PDK1: variants seen among roughly 807,000 people sequenced by gnomAD.
The protein encoded by PDK1 is [Pyruvate dehydrogenase (acetyl-transferring)] kinase isozyme 1, mitochondrial.
Under a neutral mutation model 54.2 loss-of-function variants are expected in PDK1, and 39 were observed. That is an observed-to-expected ratio of 0.72 (90% CI 0.56 to 0.94). The LOEUF is 0.94. PDK1 is among the 40% of genes least tolerant of loss of function. The pLI is 0.00. For missense variants in PDK1, 552 were observed against 566.0 expected, an observed-to-expected ratio of 0.98 and a Z score of 0.25; for synonymous variants, 221 against 207.1, an observed-to-expected ratio of 1.07 and a Z score of -0.58.
chr2:172,677,734 A>C, the PDK1 span, among the ~76,000 whole-genome samples: 1 of 152,274 alleles, frequency 6.6e-6, no homozygotes, highest in East Asian at 1.9e-4. Context: ...CTTCAGAGAA[A>C]ACAAAAGTTT....
chr2:172,615,721 T>C, the PDK1 span, among the ~76,000 whole-genome samples: 3 of 152,208 alleles, frequency 2.0e-5, no homozygotes, highest in South Asian at 6.2e-4. Context: ...CCGTGAACAC[T>C]TTTTGAAACA....
the PDK1 span, among the ~76,000 whole-genome samples, chr2:172,637,568 C>CT: frequency 9.9e-5 from 15 of 152,146 alleles, no homozygotes; most frequent in Non-Finnish European, 1.6e-4. Flanking sequence ...TTTTAATCCA[C>CT]TTTTCTGTAG....
the PDK1 span, among the ~76,000 whole-genome samples, chr2:172,698,104 A>G: frequency 6.6e-6 from 1 of 152,222 alleles, no homozygotes; most frequent in Non-Finnish European, 1.5e-5. Context: ...AAAAGTCATC[A>G]GCATCAGCCT....
the PDK1 span, among the ~76,000 whole-genome samples, chr2:172,638,615 T>C: frequency 1.3e-5 from 2 of 152,312 alleles, no homozygotes; most frequent in South Asian, 4.1e-4. Flanking sequence ...TGGCTGGGCT[T>C]CTGGGTCGGG....
chr2:172,677,327 A>G, the PDK1 span: 3 of 152,228 alleles, frequency 2.0e-5, no homozygotes. Flanking sequence ...GCAATGTGCC[A>G]TGCTTCTTTC....
chr2:172,645,951 T>C, the PDK1 span, among the ~76,000 whole-genome samples: 1 of 152,242 alleles, frequency 6.6e-6, no homozygotes. Context: ...GTTGATTGAG[T>C]CAGGCTACTG....
At chr2:172,709,480 A>G in the PDK1 span, among the ~76,000 whole-genome samples, 1 of 152,246 alleles carries the variant, frequency 6.6e-6, no homozygotes, top group Non-Finnish European at 1.5e-5. Flanking sequence ...CTCATCCCAA[A>G]TAAGTTTGCT....
the PDK1 span, among the ~76,000 whole-genome samples, chr2:172,642,430 C>T: frequency 6.6e-6 from 1 of 152,110 alleles, no homozygotes; most frequent in South Asian, 2.1e-4. Context: ...AACCCTAAGG[C>T]AGAGGTTTTC....
At chr2:172,699,998 G>A in the PDK1 span, among the ~76,000 whole-genome samples, 4 of 152,128 alleles carry the variant, frequency 2.6e-5, no homozygotes, top group Admixed American at 1.3e-4. Context: ...GTTTAACAAA[G>A]CACATCTTGC....
Position 172,583,784 on chromosome 2 carries a change from A to G in PDK1, c.946-2494A>G, listed in dbSNP as rs575930984. ...TGTAACAATTTTTAAATATATAAAAACTCAACTATAAGCCATTCAGCCTAT... is the reference window on the plus strand; with the variant it reads ...TGTAACAATTTTTAAATATATAAAAGCTCAACTATAAGCCATTCAGCCTAT... On this transcript the variant is annotated intron_variant, in intron 8 of 10. Coordinates refer to ENST00000282077, the MANE Select transcript of PDK1 (RefSeq NM_002610.5). 6.6e-5 allele frequency among the ~76,000 whole-genome samples: 10 copies of G among 152,108 alleles called. No homozygotes were observed. The South Asian group carries it at 2.1e-3, about 32-fold the overall frequency.
chr2:172,663,400 C>T, the PDK1 span, among the ~76,000 whole-genome samples: 2 of 152,334 alleles, frequency 1.3e-5, no homozygotes, highest in Non-Finnish European at 2.9e-5. Flanking sequence ...TTAGCCCACA[C>T]AGTTGTGCAG....
At chr2:172,620,569 A>G in the PDK1 span, among the ~76,000 whole-genome samples, 2 of 152,132 alleles carry the variant, frequency 1.3e-5, no homozygotes, top group Admixed American at 6.6e-5. Flanking sequence ...CCCCCACTCA[A>G]ATCTCATGTT....
the PDK1 span, among the ~76,000 whole-genome samples, chr2:172,615,896 T>C: frequency 2.0e-5 from 3 of 152,224 alleles, no homozygotes; most frequent in Non-Finnish European, 4.4e-5. Context: ...CTTTGCTACA[T>C]GCTACATTTA....
the PDK1 span, among the ~76,000 whole-genome samples, chr2:172,717,328 C>T: frequency 5.3e-5 from 8 of 152,288 alleles, no homozygotes; most frequent in East Asian, 1.5e-3. Flanking sequence ...TCATGGATGA[C>T]CTCGAGCCAG....
At chr2:172,613,994 C>G in the PDK1 span, among the ~76,000 whole-genome samples, 1 of 152,162 alleles carries the variant, frequency 6.6e-6, no homozygotes, top group Non-Finnish European at 1.5e-5. Context: ...AGCTGCCGCA[C>G]CCACAGCCGC....
At chr2:172,715,568 A>G in the PDK1 span, among the ~76,000 whole-genome samples, 6 of 152,196 alleles carry the variant, frequency 3.9e-5, no homozygotes, top group Admixed American at 3.9e-4. Flanking sequence ...GAGACTGTTC[A>G]CAGAAGCTTG....
At chr2:172,634,030 C>G in the PDK1 span, among the ~76,000 whole-genome samples, 1 of 150,612 alleles carries the variant, frequency 6.6e-6, no homozygotes, top group Non-Finnish European at 1.5e-5. Context: ...CACACTCCAC[C>G]AGGCCTGGCT....
At chr2:172,652,659 T>C in the PDK1 span, among the ~76,000 whole-genome samples, 1 of 152,172 alleles carries the variant, frequency 6.6e-6, no homozygotes, top group Non-Finnish European at 1.5e-5. Flanking sequence ...ATCACAATCA[T>C]TCCTATACAC....
chr2:172,592,222 A>G (rs1333690009), intron 9 of PDK1, among the ~76,000 whole-genome samples: 2 of 152,262 alleles, frequency 1.3e-5, no homozygotes, highest in East Asian at 1.9e-4. Flanking sequence ...AAGACCTTCA[A>G]TTATCAGTTA....
Sources: allele counts gnomAD v4.1 joint callset (sites outside exome capture counted in the v4.1 genomes callset), GRCh38; gene constraint gnomAD v4.1.1; transcripts MANE v1.5; gene names NCBI Gene and HGNC (gene_info 2026-07-23, HGNC 2026-07-21).